Variants in VTCN1 observed in about 807,000 individuals in gnomAD.
VTCN1 encodes the protein V-set domain-containing T-cell activation inhibitor 1.
VTCN1 carries 26 observed loss-of-function variants against 26.5 expected under a neutral mutation model. The ratio of observed to expected loss-of-function variants is 0.98; its 90% CI spans 0.72 to 1.36. The LOEUF is 1.36. VTCN1 is among the 40% of genes most tolerant of loss of function. VTCN1 has a pLI of 0.00. For missense variants in VTCN1, 298 were observed against 337.7 expected, an observed-to-expected ratio of 0.88 and a Z score of 0.92; for synonymous variants, 116 against 130.7, an observed-to-expected ratio of 0.89 and a Z score of 0.77.
At chr1:117,181,928 G>A (rs1647690740) in intron 1 of VTCN1, among the ~76,000 whole-genome samples, 1 of 152,138 alleles carries the variant, frequency 6.6e-6, no homozygotes, top group South Asian at 2.1e-4. Flanking sequence ...CTGTAATCTA[G>A]ATTACCTTTG....
At chr1:117,196,594 CTTT>C (rs1390119070) in intron 1 of VTCN1, among the ~76,000 whole-genome samples, 1 of 144,382 alleles carries the variant, frequency 6.9e-6, no homozygotes, top group Non-Finnish European at 1.5e-5. Flanking sequence ...AAAACTCTGC[CTTT>C]TTTTTTTTAA....
At chr1:117,194,886 G>C (rs1254806561) in intron 1 of VTCN1, among the ~76,000 whole-genome samples, 1 of 152,188 alleles carries the variant, frequency 6.6e-6, no homozygotes. Flanking sequence ...AAATGGAGAG[G>C]TGTTAGTCAA....
At position 117,205,151 on chromosome 1, in the gene VTCN1, TATATATAGAGAGAGAGAGAGAGA is replaced by T. The variant is rs1410105339; in HGVS notation, c.32+5650_32+5672del. On this transcript the variant is annotated intron_variant, in intron 1 of 5. Coordinates refer to ENST00000369458, the MANE Select transcript of VTCN1 (RefSeq NM_024626.4). ...CATGTCATATATATATTTTTATATA[TATATATAGAGAGAGAGAGAGAGA>T]GAGGGGGGTCTCGCTCTATTACCCA... Among the ~76,000 whole-genome samples, 653 of 110,068 alleles carry T rather than the reference TATATATAGAGAGAGAGAGAGAGA, an allele frequency of 5.9e-3. 7 individuals are homozygous for T. The highest frequency in any genetic ancestry group is 0.018 in the African/African-American group (627 of 35,284). 72.2% of individuals were successfully genotyped at this position (110,068 alleles called of 152,430 possible).
chr1:117,208,410 C>T (rs1649202887), intron 1 of VTCN1, among the ~76,000 whole-genome samples: 1 of 152,188 alleles, frequency 6.6e-6, no homozygotes, highest in Admixed American at 6.5e-5. Context: ...AAGTGCTCCC[C>T]TTGCAACCTG....
Position 117,167,336 on chromosome 1 carries a change from A to G in VTCN1, c.97+2771T>C, listed in dbSNP as rs920660679. On this transcript the variant is annotated intron_variant, in intron 2 of 5. Coordinates refer to ENST00000369458, the MANE Select transcript of VTCN1 (RefSeq NM_024626.4). The surrounding 1 kb of genome is among the most constrained non-coding windows in gnomAD (Gnocchi z 4.1). ...TTACTGCCCTCCCAGCAGTGCCCTC[A>G]TGCCCCTCCTCACTGCTACCTGCTT... is the stretch of plus-strand genomic sequence containing the variant. Among the ~76,000 whole-genome samples the G allele has an allele frequency of 3.3e-5, 5 of 152,214 alleles. No individual in the cohort carries two copies. The highest frequency in any genetic ancestry group is 4.1e-4 in the South Asian group (2 of 4,820).
chr1:117,166,405 G>T (rs149539544), intron 2 of VTCN1, among the ~76,000 whole-genome samples: 4 of 152,064 alleles, frequency 2.6e-5, no homozygotes, highest in Non-Finnish European at 5.9e-5. Context: ...TAAATACTAG[G>T]GTTTTAGTTG....
At chr1:117,178,610 T>TTTA (rs60314298) in intron 1 of VTCN1, among the ~76,000 whole-genome samples, 1 of 148,934 alleles carries the variant, frequency 6.7e-6, no homozygotes, top group African/African-American at 2.5e-5. Context: ...TTTTTTTTTT[T>TTTA]AGAGACAGGG....
intron 1 of VTCN1, among the ~76,000 whole-genome samples, chr1:117,197,004 CTT>C (rs1648544553): frequency 1.3e-5 from 2 of 152,152 alleles, no homozygotes; most frequent in Non-Finnish European, 1.5e-5. Context: ...TTCTTTACAA[CTT>C]TATTTGCCTT....
At chr1:117,173,238 G>C (rs1341442422) in intron 1 of VTCN1, 3 of 710,990 alleles carry the variant, frequency 4.2e-6, no homozygotes, top group Non-Finnish European at 7.9e-6. Context: ...GAACCCACCA[G>C]AAGGAATAAA....
chr1:117,172,371 G>A (rs761201943), intron 1 of VTCN1: 2 of 518,726 alleles, frequency 3.9e-6, no homozygotes, highest in Non-Finnish European at 7.7e-6. Context: ...TTGATTCCAA[G>A]GGAGACCATA....
At chr1:117,160,448 T>G (rs994938229) in intron 2 of VTCN1, among the ~76,000 whole-genome samples, 1 of 152,216 alleles carries the variant, frequency 6.6e-6, no homozygotes, top group Admixed American at 6.5e-5. Flanking sequence ...AGGTAGACCT[T>G]CTTACAGTAC....
intron 4 of VTCN1, among the ~76,000 whole-genome samples, chr1:117,151,014 TCTA>T (rs1651760427): frequency 1.3e-5 from 2 of 152,186 alleles, no homozygotes; most frequent in African/African-American, 4.8e-5. Flanking sequence ...TATCTACTCA[TCTA>T]CTAATGGACA....
In VTCN1 at chr1:117,167,339, C is replaced by A. The variant is rs539228173; in HGVS notation, c.97+2768G>T. Among the ~76,000 whole-genome samples, 344 of 152,194 alleles carry A rather than the reference C, an allele frequency of 2.3e-3. No individual in the cohort carries two copies. The highest frequency in any genetic ancestry group is 0.014 in the Middle Eastern group (4 of 294). On this transcript the variant is annotated intron_variant, in intron 2 of 5. Transcript: ENST00000369458. This position sits in a 1 kb window ranked among gnomAD's most constrained non-coding sequence, Gnocchi z 4.1. The stretch of plus-strand genomic sequence containing the variant: ...CTGCCCTCCCAGCAGTGCCCTCATG[C>A]CCCTCCTCACTGCTACCTGCTTACT...
rs1201454326 is a variant in VTCN1, at chr1:117,210,827, C to T, written c.29G>A (p.Trp10Ter). Residue 10 changes from tryptophan to a stop codon, truncating the protein, a stop_gained, in exon 1 of 6, where the codon TGG (tryptophan) becomes TAG (stop). Transcript: ENST00000369458. LOFTEE classifies it high-confidence loss of function. Reference sequence around the variant, plus strand: ...TAGAGAGAAGAGTATATACTACCTCCAGAAGAGGATCTGCCCCAGGGAAGC... The same window carrying T: ...TAGAGAGAAGAGTATATACTACCTCTAGAAGAGGATCTGCCCCAGGGAAGC... Reference protein sequence around the residue: MASLGQILFWSIISIIIILA... With the variant: MASLGQILF The T allele has an allele frequency of 1.2e-6, 2 of 1,614,144 alleles. No individual in the cohort carries two copies. The highest frequency in any genetic ancestry group is 1.1e-5 in the South Asian group (1 of 91,082).
At position 117,161,586 on chromosome 1, in the gene VTCN1, CTA is replaced by C. The variant is rs1347210921; in HGVS notation, c.98-4667_98-4666del. Among the ~76,000 whole-genome samples the C allele has an allele frequency of 9.2e-5, 14 of 152,204 alleles. 1 individual carries two copies. In the East Asian group the frequency reaches 2.7e-3, roughly 29 times the overall value. ...TCTGTAAGTCCTGTAGTGCCTAGAG[CTA>C]TGTTTCTGCAGAGAAAAATAATGTT... On this transcript the variant is annotated intron_variant, in intron 2 of 5. Transcript: ENST00000369458. This position sits in a 1 kb window ranked among gnomAD's most constrained non-coding sequence, Gnocchi z 4.3.
In VTCN1 at chr1:117,175,525, AAAGCCATGCT is replaced by A. The variant is rs1034601192; in HGVS notation, c.33-5364_33-5355del. 6.6e-6 allele frequency among the ~76,000 whole-genome samples: 1 copy of A among 152,176 alleles called. No homozygotes were observed. Among genetic ancestry groups the A allele is most frequent in the African/African-American group, 2.4e-5 (1 of 41,454 alleles). ...TTTTCATAAAATAAAAATAGAACTG[AAAGCCATGCT>A]AAGCTTTTCCCACTGAAGTTCTCAT... On this transcript the variant is annotated intron_variant, in intron 1 of 5. Transcript: ENST00000369458. The surrounding 1 kb of genome is among the most constrained non-coding windows in gnomAD (Gnocchi z 4.2).
rs1365941839 is a variant in VTCN1 at position 117,169,137 on chromosome 1, A to T, written c.97+970T>A. On this transcript the variant is annotated intron_variant, in intron 2 of 5. Coordinates refer to ENST00000369458, the MANE Select transcript of VTCN1 (RefSeq NM_024626.4). This position sits in a 1 kb window ranked among gnomAD's most constrained non-coding sequence, Gnocchi z 4.0. Reference sequence around the variant, plus strand: ...GAGTCAGGTGGTTTATGAAAAAAAGAGCAGACAATTTGCCTCAGAGAAGAA... The same window carrying T: ...GAGTCAGGTGGTTTATGAAAAAAAGTGCAGACAATTTGCCTCAGAGAAGAA... 6.6e-6 allele frequency among the ~76,000 whole-genome samples: 1 copy of T among 152,232 alleles called. No individual in the cohort carries two copies. Among genetic ancestry groups the T allele is most frequent in the Admixed American group, 6.5e-5 (1 of 15,292 alleles).
At chr1:117,193,643 A>G (rs965640788) in intron 1 of VTCN1, among the ~76,000 whole-genome samples, 1 of 152,276 alleles carries the variant, frequency 6.6e-6, no homozygotes, top group East Asian at 1.9e-4. Context: ...CAGCAAAACC[A>G]AAATAGTAGG....
chr1:117,152,031 C>G (rs1381956464), intron 4 of VTCN1, among the ~76,000 whole-genome samples: 1 of 152,094 alleles, frequency 6.6e-6, no homozygotes, highest in African/African-American at 2.4e-5. Context: ...TCTTCAAGTA[C>G]TTTGCCCATT....
Sources: gnomAD v4.1 joint callset for allele counts (sites outside exome capture counted in the v4.1 genomes callset) on GRCh38, gnomAD v4.1.1 for gene constraint, Gnocchi (gnomAD v3.1) non-coding constraint, MANE v1.5 for transcripts, NCBI Gene and HGNC (gene_info 2026-07-23, HGNC 2026-07-21) for gene names.